IL1RAPL2: variants seen among roughly 807,000 people sequenced by gnomAD.
The protein encoded by IL1RAPL2 is interleukin 1 receptor accessory protein like 2.
In IL1RAPL2, 3 loss-of-function variants were observed where a neutral mutation model predicts 44.1. The ratio of observed to expected loss-of-function variants is 0.07; its 90% CI spans 0.03 to 0.18. The LOEUF is 0.18. IL1RAPL2 is among the 10% of genes least tolerant of loss of function. The pLI is 1.00. For missense variants in IL1RAPL2, 391 were observed against 496.4 expected (o/e 0.79, Z 2.02); for synonymous variants, 181 against 178.8 (o/e 1.01, Z -0.10).
chrX:105,218,781 T>A, intron 3 of IL1RAPL2: 6 of 285,372 alleles, frequency 2.1e-5, no homozygotes, highest in Admixed American at 5.9e-5. Flanking sequence ...TTCCTCCCCC[T>A]CCTCCAGTCA....
At chrX:104,764,844 T>A (rs1217000401) in intron 2 of IL1RAPL2, among the ~76,000 whole-genome samples, 1 of 112,413 alleles carries the variant, frequency 8.9e-6, no homozygotes, top group East Asian at 2.8e-4. Flanking sequence ...TCTGTCGATA[T>A]GTTGTATCAC....
chrX:105,290,060 G>A (rs2034601172), intron 5 of IL1RAPL2, among the ~76,000 whole-genome samples: 1 of 111,477 alleles, frequency 9.0e-6, no homozygotes, highest in African/African-American at 3.3e-5. Context: ...TAGAAACGTG[G>A]TAGTTGCTAA....
chrX:104,582,127 A>G (rs1411955038), intron 1 of IL1RAPL2, among the ~76,000 whole-genome samples: 1 of 112,071 alleles, frequency 8.9e-6, no homozygotes, highest in Non-Finnish European at 1.9e-5. Context: ...TTATTGTAAA[A>G]TCTCTTTCCA....
rs5962272 is a variant in IL1RAPL2, at chrX:105,272,216, G to C, written c.697+4675G>C. 4.3e-3 allele frequency among the ~76,000 whole-genome samples: 461 copies of C among 107,955 alleles called. 5 individuals carry two copies. Among genetic ancestry groups the C allele is most frequent in the African/African-American group, 0.015 (444 of 29,513 alleles). The allele number at this position is 107,955 out of a possible 115,157, so 93.7% of individuals were successfully genotyped here. ...GTTAGTGGGTGCAGCGCACCAGCAT[G>C]GCACATGTATACATATGTAACTAAC... On this transcript the variant is annotated intron_variant, in intron 5 of 10. Transcript: ENST00000372582.
At chrX:104,913,702 A>C (rs1302208474) in intron 2 of IL1RAPL2, among the ~76,000 whole-genome samples, 1 of 112,220 alleles carries the variant, frequency 8.9e-6, no homozygotes, top group Admixed American at 9.5e-5. Context: ...GTAGCTAGAG[A>C]GGTTATTCAG....
intron 10 of IL1RAPL2, among the ~76,000 whole-genome samples, chrX:105,762,680 C>A (rs931107382): frequency 2.7e-5 from 3 of 111,532 alleles, no homozygotes; most frequent in Non-Finnish European, 5.6e-5. Context: ...CCCTTTTGGT[C>A]TTTTCTGTCA....
chrX:105,534,017 A>T (rs1327928581), intron 6 of IL1RAPL2, among the ~76,000 whole-genome samples: 2 of 112,518 alleles, frequency 1.8e-5, no homozygotes, highest in East Asian at 5.6e-4. Context: ...AGTAAAAATT[A>T]TTCAGTGATC....
chrX:105,366,098 C>A (rs989564199), intron 5 of IL1RAPL2, among the ~76,000 whole-genome samples: 3 of 110,982 alleles, frequency 2.7e-5, no homozygotes, highest in Non-Finnish European at 5.7e-5. Context: ...CAGGCGCCTG[C>A]CATCACGCCT....
chrX:104,890,891 G>A, intron 2 of IL1RAPL2, among the ~76,000 whole-genome samples: 1 of 111,623 alleles, frequency 9.0e-6, no homozygotes. Flanking sequence ...TGTCCTGAAT[G>A]GTATTGCCTA....
intron 2 of IL1RAPL2, among the ~76,000 whole-genome samples, chrX:104,979,449 T>C (rs1442836942): frequency 9.0e-6 from 1 of 111,394 alleles, no homozygotes; most frequent in Non-Finnish European, 1.9e-5. Flanking sequence ...TAAATGTCAC[T>C]AAATAAATTT....
chrX:105,346,664 C>G (rs2035112984), intron 5 of IL1RAPL2, among the ~76,000 whole-genome samples: 1 of 111,540 alleles, frequency 9.0e-6, no homozygotes, highest in Non-Finnish European at 1.9e-5. Flanking sequence ...GGACTAACAT[C>G]AGTAGACAAG....
chrX:105,123,301 A>C (rs1388529240), intron 2 of IL1RAPL2, among the ~76,000 whole-genome samples: 1 of 111,202 alleles, frequency 9.0e-6, no homozygotes, highest in African/African-American at 3.3e-5. Context: ...TATTCTTTAA[A>C]TATATAAGAA....
chrX:105,224,845 T>G (rs782316680), intron 3 of IL1RAPL2, among the ~76,000 whole-genome samples: 12 of 111,795 alleles, frequency 1.1e-4, no homozygotes, highest in Non-Finnish European at 2.3e-4. Context: ...GAGAGTTATG[T>G]TCTTGTTCTT....
chrX:104,579,751 A>G (rs1035006283), intron 1 of IL1RAPL2, among the ~76,000 whole-genome samples: 5 of 111,925 alleles, frequency 4.5e-5, no homozygotes, highest in Non-Finnish European at 9.4e-5. Context: ...TGAAGCTAAA[A>G]TAAAAGTTAG....
chrX:104,826,144 C>A (rs1222814014), intron 2 of IL1RAPL2, among the ~76,000 whole-genome samples: 2 of 111,374 alleles, frequency 1.8e-5, no homozygotes, highest in Non-Finnish European at 3.8e-5. Context: ...TTAGTTATTT[C>A]TTGTCTTCTG....
At chrX:105,041,265 C>A (rs746361312) in intron 2 of IL1RAPL2, among the ~76,000 whole-genome samples, 1 of 111,023 alleles carries the variant, frequency 9.0e-6, no homozygotes, top group South Asian at 3.8e-4. Context: ...AATTTCTGTT[C>A]TTTTACATTT....
At chrX:105,192,494 T>G (rs185870884) in intron 2 of IL1RAPL2, among the ~76,000 whole-genome samples, 1 of 111,456 alleles carries the variant, frequency 9.0e-6, no homozygotes, top group Admixed American at 9.6e-5. Context: ...CCTCCTTTTG[T>G]CCCACTCTTG....
intron 1 of IL1RAPL2, among the ~76,000 whole-genome samples, chrX:104,629,245 T>A (rs1929583823): frequency 8.9e-6 from 1 of 112,099 alleles, no homozygotes; most frequent in Non-Finnish European, 1.9e-5. Context: ...TGATATCTCA[T>A]TGTGGTTTTG....
intron 4 of IL1RAPL2, among the ~76,000 whole-genome samples, chrX:105,248,558 T>C (rs773400274): frequency 9.0e-6 from 1 of 111,515 alleles, no homozygotes; most frequent in Admixed American, 9.6e-5. Flanking sequence ...CAAAGGGGCT[T>C]ATATGAAAAT....
Sources: gnomAD v4.1 joint callset for allele counts (sites outside exome capture counted in the v4.1 genomes callset) on GRCh38, gnomAD v4.1.1 for gene constraint, MANE v1.5 for transcripts, NCBI Gene and HGNC (gene_info 2026-07-23, HGNC 2026-07-21) for gene names.